The following SLC16A9 variants were observed in gnomAD, a reference collection of about 807,000 sequenced individuals.
SLC16A9 encodes the protein monocarboxylate transporter 9.
Under a neutral mutation model 44.3 loss-of-function variants are expected in SLC16A9, and 26 were observed. That is an observed-to-expected ratio of 0.59 (90% CI 0.43 to 0.81). The LOEUF (loss-of-function observed/expected upper bound fraction) is 0.81. SLC16A9 is among the 40% of genes least tolerant of loss of function. The pLI is 0.00. For missense variants in SLC16A9, 559 were observed against 595.8 expected, an observed-to-expected ratio of 0.94 and a Z score of 0.64; for synonymous variants, 230 against 225.1, an observed-to-expected ratio of 1.02 and a Z score of -0.19.
chr10:59,682,582 T>C (rs547802387), intron 2 of SLC16A9, among the ~76,000 whole-genome samples: 1 of 152,356 alleles, frequency 6.6e-6, no homozygotes, highest in Admixed American at 6.5e-5. Flanking sequence ...TATGTGCTAA[T>C]TGAGTCAGCA....
At chr10:59,698,940 C>A (rs557768814) in intron 1 of SLC16A9, among the ~76,000 whole-genome samples, 1 of 152,190 alleles carries the variant, frequency 6.6e-6, no homozygotes, top group Admixed American at 6.5e-5. Context: ...GATGGGGTTT[C>A]ACCATGTTAG....
chr10:59,678,867 A>T (rs1197343627), intron 2 of SLC16A9, among the ~76,000 whole-genome samples: 1 of 152,050 alleles, frequency 6.6e-6, no homozygotes, highest in Non-Finnish European at 1.5e-5. Flanking sequence ...TGCCTAGCAC[A>T]CTGGGAACCT....
At chr10:59,694,242 AAAT>A (rs1338520104) in intron 1 of SLC16A9, among the ~76,000 whole-genome samples, 4 of 152,150 alleles carry the variant, frequency 2.6e-5, no homozygotes, top group African/African-American at 9.7e-5. Flanking sequence ...CCTGGCCTCC[AAAT>A]AATAATTTTC....
chr10:59,665,713 A>G (rs1839599045), intron 3 of SLC16A9, among the ~76,000 whole-genome samples: 2 of 152,242 alleles, frequency 1.3e-5, no homozygotes, highest in South Asian at 4.1e-4. Context: ...ACTATTTCTG[A>G]AAGCCTTTGG....
At chr10:59,670,424 A>T (rs1839719987) in intron 3 of SLC16A9, among the ~76,000 whole-genome samples, 1 of 152,232 alleles carries the variant, frequency 6.6e-6, no homozygotes, top group African/African-American at 2.4e-5. Flanking sequence ...TGCTATTATG[A>T]TGCTCAGTTT....
chr10:59,685,847 T>C (rs574128839), intron 1 of SLC16A9, among the ~76,000 whole-genome samples: 2 of 152,340 alleles, frequency 1.3e-5, no homozygotes, highest in South Asian at 4.1e-4. Flanking sequence ...TATTACCAAA[T>C]TAAGTTCAAG....
chr10:59,684,265 AC>A lies in SLC16A9; in HGVS notation c.26del (p.Gly9ValfsTer6). 6.2e-7 allele frequency: 1 copy of A among 1,613,292 alleles called. No homozygotes were observed. Among genetic ancestry groups the A allele is most frequent in the South Asian group, 1.1e-5 (1 of 90,784 alleles). ...CAAACACAATCACCCAGCCCCATCC[AC>A]CGTCAGGCGACTTTTTAAGTTCCAT... MELKKSPDGGWGWVIVFVS... is the reference protein window; with the variant it reads MELKKSPDXGWGWVIVFVS... On this transcript the variant is annotated frameshift_variant, in exon 2 of 6. Coordinates refer to ENST00000395348, the MANE Select transcript of SLC16A9 (RefSeq NM_194298.3). LOFTEE classifies it high-confidence loss of function.
chr10:59,670,731 A>G (rs994508291), intron 3 of SLC16A9, among the ~76,000 whole-genome samples: 6 of 152,312 alleles, frequency 3.9e-5, no homozygotes, highest in East Asian at 3.9e-4. Flanking sequence ...ACTGTGTAAT[A>G]ATTTCCTGTC....
intron 3 of SLC16A9, among the ~76,000 whole-genome samples, chr10:59,670,377 C>T (rs72812342): frequency 3.5e-4 from 54 of 152,346 alleles, no homozygotes; most frequent in Non-Finnish European, 7.3e-4. Context: ...ATTCATTGCA[C>T]TATGTCACCC....
At chr10:59,662,504 A>G (rs1313300509) in intron 4 of SLC16A9, among the ~76,000 whole-genome samples, 2 of 151,678 alleles carry the variant, frequency 1.3e-5, no homozygotes, top group African/African-American at 4.8e-5. Flanking sequence ...GCGTGGTGGC[A>G]GGCACCTGTA....
In SLC16A9 at chr10:59,672,669, C is replaced by G. The variant is rs74718729; in HGVS notation, c.340+101G>C. On this transcript the variant is annotated intron_variant, in intron 3 of 5. Transcript: ENST00000395348. The stretch of plus-strand genomic sequence containing the variant: ...TTATTGAAAGTAAATTATTAGTGAG[C>G]ATTTTCACTCCTTTACATTAACTGG... 7,770 of 1,170,484 alleles carry G rather than the reference C, an allele frequency of 6.6e-3. 348 individuals carry two copies. The African/African-American group carries it at 0.1, about 16-fold the overall frequency. The allele number at this position is 1,170,484 out of a possible 1,614,324, so 72.5% of individuals were successfully genotyped here.
chr10:59,653,051 T>G, intron 5 of SLC16A9, 101 bp from the exon 6 acceptor site: 1 of 777,022 alleles, frequency 1.3e-6, no homozygotes. Context: ...ATAATTAGTA[T>G]ATATATTACT....
chr10:59,692,196 G>A (rs768187762), intron 1 of SLC16A9, among the ~76,000 whole-genome samples: 1 of 152,168 alleles, frequency 6.6e-6, no homozygotes, highest in South Asian at 2.1e-4. Context: ...GGAAAAAAAT[G>A]GTTGATTCCA....
chr10:59,664,481 A>G (rs898646298), intron 3 of SLC16A9, among the ~76,000 whole-genome samples, 159 bp from the exon 4 acceptor site: 7 of 152,198 alleles, frequency 4.6e-5, no homozygotes, highest in Admixed American at 6.6e-5. Flanking sequence ...TGTAGCCCCA[A>G]TAGACACCAT....
rs1203716721 is a variant in SLC16A9 at position 59,681,747 on chromosome 10, TATGTATATGTATATG to T, written c.196+2334_196+2348del. On this transcript the variant is annotated intron_variant, in intron 2 of 5. Transcript: ENST00000395348. ...TGTATATGTATATGTATATGATGTA[TATGTATATGTATATG>T]ATGTATATGTATATGTATATGATGT... 2.5e-3 allele frequency among the ~76,000 whole-genome samples: 77 copies of T among 30,270 alleles called. 21 individuals carry two copies. The highest frequency in any genetic ancestry group is 0.016 in the South Asian group (7 of 442). 19.9% of individuals were successfully genotyped at this position (30,270 alleles called of 152,430 possible).
intron 3 of SLC16A9, among the ~76,000 whole-genome samples, chr10:59,667,322 A>G (rs1839643264): frequency 6.6e-6 from 1 of 152,222 alleles, no homozygotes; most frequent in Non-Finnish European, 1.5e-5. Context: ...TTTTCTTCAT[A>G]TACTTCAATC....
intron 1 of SLC16A9, among the ~76,000 whole-genome samples, chr10:59,695,694 G>A (rs1167168818): frequency 6.6e-6 from 1 of 152,058 alleles, no homozygotes; most frequent in Admixed American, 6.6e-5. Context: ...TGGTTATTAT[G>A]GCTCCTCAAA....
At chr10:59,672,607 GT>G (rs1839774836) in intron 3 of SLC16A9, among the ~76,000 whole-genome samples, 162 bp downstream of exon 3, 1 of 152,072 alleles carries the variant, frequency 6.6e-6, no homozygotes. Flanking sequence ...CACTGGGCAG[GT>G]TTTTTTCACT....
chr10:59,684,356 C>A, intron 1 of SLC16A9, 29 bp from the exon 2 acceptor site: 1 of 1,417,504 alleles, frequency 7.1e-7, no homozygotes, highest in Non-Finnish European at 9.7e-7. Context: ...AAAAGAGAAT[C>A]TTATTTAGAG....
Sources: allele counts gnomAD v4.1 joint callset (sites outside exome capture counted in the v4.1 genomes callset), GRCh38; gene constraint gnomAD v4.1.1; transcripts MANE v1.5; gene names NCBI Gene and HGNC (gene_info 2026-07-23, HGNC 2026-07-21).